The following ZFHX3 variants were observed in gnomAD, a reference collection of about 807,000 sequenced individuals.
The protein encoded by ZFHX3 is zinc finger homeobox 3, also known as zinc finger homeobox protein 3.
ZFHX3 carries 42 observed loss-of-function variants against 279.1 expected under a neutral mutation model. The ratio of observed to expected loss-of-function variants is 0.15; its 90% CI spans 0.12 to 0.19. ZFHX3 has a LOEUF of 0.19. ZFHX3 is among the 10% of genes least tolerant of loss of function. The pLI, the probability that ZFHX3 is intolerant of heterozygous loss-of-function variation, is 1.00. For synonymous variants in ZFHX3, 2,293 were observed against 1,957.8 expected, an observed-to-expected ratio of 1.17 and a Z score of -4.52; for missense variants, 4,981 against 4,754.0, an observed-to-expected ratio of 1.05 and a Z score of -1.40.
At chr16:73,867,151 G>A (rs1270944358) in intron 1 of ZFHX3, among the ~76,000 whole-genome samples, 1 of 152,092 alleles carries the variant, frequency 6.6e-6, no homozygotes, top group East Asian at 1.9e-4. Flanking sequence ...AGGGCTTTGG[G>A]ATGAGGCATT....
chr16:73,591,127 C>G (rs2051990395), intron 2 of ZFHX3, among the ~76,000 whole-genome samples: 1 of 149,466 alleles, frequency 6.7e-6, no homozygotes, highest in Non-Finnish European at 1.5e-5. Context: ...CTGAGGTGGG[C>G]AGATCACGAG....
At chr16:72,829,380 C>G (rs960142652) in intron 5 of ZFHX3, 7 of 177,270 alleles carry the variant, frequency 3.9e-5, no homozygotes, top group African/African-American at 2.4e-5. Context: ...TCTCCACTGG[C>G]CTTGGGAGCA....
At chr16:73,482,624 C>A (rs1046845436) in intron 2 of ZFHX3, among the ~76,000 whole-genome samples, 8 of 152,190 alleles carry the variant, frequency 5.3e-5, no homozygotes, top group Non-Finnish European at 8.8e-5. Context: ...CTGCCACCTC[C>A]CCTCACTCAT....
At chr16:73,164,693 C>CT (rs1345625611) in intron 5 of ZFHX3, among the ~76,000 whole-genome samples, 2 of 133,158 alleles carry the variant, frequency 1.5e-5, no homozygotes, top group Non-Finnish European at 3.1e-5. Context: ...AAGTGAGACT[C>CT]TGTTGAAAAA....
In ZFHX3 at chr16:73,042,132, G is replaced by A. The variant is rs545546183; in HGVS notation, c.-50+5620C>T. On this transcript the variant is annotated intron_variant, in intron 1 of 9. Coordinates refer to ENST00000268489, the MANE Select transcript of ZFHX3 (RefSeq NM_006885.4). Reference sequence around the variant, plus strand: ...AGGAGTTTAAATGCTTCTGAAAAGCGATGTTTGCATACTGAAGGGAGACAG... The same window carrying A: ...AGGAGTTTAAATGCTTCTGAAAAGCAATGTTTGCATACTGAAGGGAGACAG... Among the ~76,000 whole-genome samples the A allele has an allele frequency of 2.4e-4, 37 of 152,250 alleles. 1 individual carries two copies. Among genetic ancestry groups the A allele is most frequent in the South Asian group, 4.1e-4 (2 of 4,820 alleles).
At chr16:72,890,566 C>T (rs1487688319) in intron 3 of ZFHX3, among the ~76,000 whole-genome samples, 2 of 151,888 alleles carry the variant, frequency 1.3e-5, no homozygotes. Context: ...ACACAGCAAG[C>T]TGATACCCAT....
intron 1 of ZFHX3, among the ~76,000 whole-genome samples, chr16:73,802,562 A>T (rs1202499563): frequency 6.6e-6 from 1 of 152,192 alleles, no homozygotes; most frequent in Non-Finnish European, 1.5e-5. Context: ...CAGGGAAAAG[A>T]ATGAGAAAGG....
intron 3 of ZFHX3, among the ~76,000 whole-genome samples, chr16:73,357,845 C>A (rs893382603): frequency 5.9e-5 from 9 of 152,346 alleles, no homozygotes; most frequent in African/African-American, 2.2e-4. Flanking sequence ...CCAGGCTGGT[C>A]TGCTCCAACC....
At chr16:73,208,081 A>G (rs1232891215) in intron 5 of ZFHX3, among the ~76,000 whole-genome samples, 2 of 152,176 alleles carry the variant, frequency 1.3e-5, no homozygotes, top group Non-Finnish European at 2.9e-5. Flanking sequence ...GGATGGTTCC[A>G]TTTTTGAGAA....
chr16:73,598,433 T>G (rs1445627091), intron 2 of ZFHX3, among the ~76,000 whole-genome samples: 2 of 151,896 alleles, frequency 1.3e-5, no homozygotes, highest in African/African-American at 4.8e-5. Flanking sequence ...CTTTTTTTTT[T>G]TTTTGACAGG....
At chr16:73,175,637 T>C (rs904491446) in intron 5 of ZFHX3, among the ~76,000 whole-genome samples, 1 of 152,220 alleles carries the variant, frequency 6.6e-6, no homozygotes, top group African/African-American at 2.4e-5. Context: ...ACAGTTTACT[T>C]CTTTGAATTT....
intron 1 of ZFHX3, among the ~76,000 whole-genome samples, chr16:73,760,330 C>T (rs1049736077): frequency 3.3e-5 from 5 of 152,084 alleles, no homozygotes; most frequent in African/African-American, 7.2e-5. Flanking sequence ...GAGGACCAGA[C>T]GGATTTACAG....
chr16:73,783,930 T>C (rs1959553735), intron 1 of ZFHX3, among the ~76,000 whole-genome samples: 1 of 152,096 alleles, frequency 6.6e-6, no homozygotes, highest in South Asian at 2.1e-4. Flanking sequence ...CATACCAGGT[T>C]GATGCTGTTC....
intron 1 of ZFHX3, among the ~76,000 whole-genome samples, chr16:73,776,978 A>G (rs1256684939): frequency 6.6e-6 from 1 of 152,160 alleles, no homozygotes; most frequent in Non-Finnish European, 1.5e-5. Flanking sequence ...CCTGGAAGGA[A>G]GGCAACATCC....
chr16:73,065,573 GTGTGTGTGTGT>G (rs1965739118), intron 8 of ZFHX3, among the ~76,000 whole-genome samples: 2 of 6,944 alleles, frequency 2.9e-4, no homozygotes, highest in Admixed American at 2.7e-3. Flanking sequence ...CCTGGTGTGT[GTGTGTGTGTGT>G]GTGTGTGTGT....
At chr16:73,222,416 T>C (rs1210284840) in intron 5 of ZFHX3, among the ~76,000 whole-genome samples, 2 of 152,042 alleles carry the variant, frequency 1.3e-5, no homozygotes, top group African/African-American at 2.4e-5. Context: ...CACTCTCCTA[T>C]ATACCAGCAA....
At chr16:73,141,842 C>T (rs1470397719) in intron 6 of ZFHX3, among the ~76,000 whole-genome samples, 1 of 152,186 alleles carries the variant, frequency 6.6e-6, no homozygotes, top group Non-Finnish European at 1.5e-5. Flanking sequence ...AGCCACTGCC[C>T]AGCCTGTAAT....
At chr16:73,726,471 C>T (rs1307705307) in intron 1 of ZFHX3, among the ~76,000 whole-genome samples, 4 of 152,142 alleles carry the variant, frequency 2.6e-5, no homozygotes, top group African/African-American at 7.2e-5. Flanking sequence ...GTTTGTCCTA[C>T]GCATTGTAGG....
chr16:73,179,018 C>T (rs1967729282), intron 5 of ZFHX3, among the ~76,000 whole-genome samples: 2 of 152,210 alleles, frequency 1.3e-5, no homozygotes, highest in Admixed American at 1.3e-4. Context: ...GAACCATGCT[C>T]ACACCAACAT....
Sources: allele counts gnomAD v4.1 joint callset (sites outside exome capture counted in the v4.1 genomes callset), GRCh38; gene constraint gnomAD v4.1.1; transcripts MANE v1.5; gene names NCBI Gene and HGNC (gene_info 2026-07-23, HGNC 2026-07-21).